TRDN: variants seen among roughly 807,000 people sequenced by gnomAD.
The protein encoded by TRDN is triadin in skeletal muscle.
A neutral mutation model predicts 149.7 loss-of-function variants in TRDN; 161 were observed. That is an observed-to-expected ratio of 1.08 (90% CI 0.95 to 1.23). The LOEUF (loss-of-function observed/expected upper bound fraction) is 1.23. Among genes scored for constraint, TRDN ranks in the 50% most tolerant of loss-of-function variants. TRDN has a pLI of 0.00. For synonymous variants in TRDN, 294 were observed against 250.5 expected, an observed-to-expected ratio of 1.17 and a Z score of -1.64; for missense variants, 896 against 823.5, an observed-to-expected ratio of 1.09 and a Z score of -1.08.
At chr6:123,605,434 A>T (rs969379977) in intron 1 of TRDN, among the ~76,000 whole-genome samples, 1 of 151,758 alleles carries the variant, frequency 6.6e-6, no homozygotes, top group Admixed American at 6.6e-5. Flanking sequence ...AACACATCAG[A>T]TGTGTAAGAT....
intron 21 of TRDN, chr6:123,349,907 C>T (rs554485361): frequency 5.0e-5 from 49 of 985,012 alleles, no homozygotes; most frequent in African/African-American, 4.7e-4. Flanking sequence ...GTTGTGACAA[C>T]GTAAAACACT....
intron 12 of TRDN, among the ~76,000 whole-genome samples, chr6:123,408,928 G>A (rs1773314835): frequency 6.6e-6 from 1 of 152,098 alleles, no homozygotes; most frequent in South Asian, 2.1e-4. Flanking sequence ...AATAACACTG[G>A]AGAGCACTGC....
intron 24 of TRDN, among the ~76,000 whole-genome samples, chr6:123,310,485 T>C (rs1778779283): frequency 2.6e-5 from 4 of 152,052 alleles, no homozygotes; most frequent in Admixed American, 6.6e-5. Flanking sequence ...ATTTTGATAA[T>C]GTAGCTTTTA....
intron 12 of TRDN, among the ~76,000 whole-genome samples, chr6:123,404,952 C>G (rs1053067771): frequency 6.6e-6 from 1 of 152,196 alleles, no homozygotes; most frequent in African/African-American, 2.4e-5. Flanking sequence ...CAATGTTAGG[C>G]ATGCAGATCT....
chr6:123,437,648 T>C (rs1193281662), intron 12 of TRDN, among the ~76,000 whole-genome samples: 1 of 152,098 alleles, frequency 6.6e-6, no homozygotes, highest in Non-Finnish European at 1.5e-5. Context: ...GCCCCATCTC[T>C]AAGTTTCTGT....
intron 4 of TRDN, among the ~76,000 whole-genome samples, chr6:123,539,961 T>C (rs901066368): frequency 6.6e-6 from 1 of 152,224 alleles, no homozygotes; most frequent in Non-Finnish European, 1.5e-5. Flanking sequence ...CTACAGATTG[T>C]TATTTAGCAA....
chr6:123,613,456 G>T (rs1164882723), intron 1 of TRDN, among the ~76,000 whole-genome samples: 2 of 152,088 alleles, frequency 1.3e-5, no homozygotes, highest in African/African-American at 4.8e-5. Flanking sequence ...TCCATTAAAG[G>T]TAACACTATT....
At chr6:123,505,597 T>G (rs1434096814) in intron 7 of TRDN, among the ~76,000 whole-genome samples, 1 of 152,218 alleles carries the variant, frequency 6.6e-6, no homozygotes, top group East Asian at 1.9e-4. Context: ...TTCTCAAAGC[T>G]GAAGTGTATT....
Position 123,335,116 on chromosome 6 carries a change from T to C in TRDN, c.1420+2503A>G, listed in dbSNP as rs188576791. ...GGCTTTTGAAGTCCCTAAAATCTTATAGGTAATATTAAAATTTTGTCTTTG... is the reference window on the plus strand; with the variant it reads ...GGCTTTTGAAGTCCCTAAAATCTTACAGGTAATATTAAAATTTTGTCTTTG... On this transcript the variant is annotated intron_variant, in intron 22 of 40. Coordinates refer to ENST00000334268, the MANE Select transcript of TRDN (RefSeq NM_006073.4). Among the ~76,000 whole-genome samples, 497 of 152,044 alleles carry C rather than the reference T, an allele frequency of 3.3e-3. 2 individuals are homozygous for C. Among genetic ancestry groups the C allele is most frequent in the Non-Finnish European group, 4.0e-3 (269 of 67,944 alleles).
chr6:123,614,772 G>C (rs964172712), intron 1 of TRDN, among the ~76,000 whole-genome samples: 1 of 151,526 alleles, frequency 6.6e-6, no homozygotes, highest in African/African-American at 2.4e-5. Flanking sequence ...CAAAAGCACA[G>C]GAAACAAAAG....
chr6:123,369,297 A>G (rs1297411169), intron 19 of TRDN, among the ~76,000 whole-genome samples: 3 of 152,176 alleles, frequency 2.0e-5, no homozygotes, highest in Non-Finnish European at 2.9e-5. Flanking sequence ...GCATGACCTC[A>G]TCTTAACTTG....
At chr6:123,629,698 A>G (rs994587978) in intron 1 of TRDN, among the ~76,000 whole-genome samples, 1 of 152,108 alleles carries the variant, frequency 6.6e-6, no homozygotes, top group Non-Finnish European at 1.5e-5. Context: ...GTTTATGAGG[A>G]AACAGCTCAT....
At chr6:123,337,027 CAGTT>C (rs1779897998) in intron 22 of TRDN, among the ~76,000 whole-genome samples, 1 of 151,918 alleles carries the variant, frequency 6.6e-6, no homozygotes, top group Non-Finnish European at 1.5e-5. Flanking sequence ...AGAGGAAAGG[CAGTT>C]AGTCCATTCA....
intron 9 of TRDN, among the ~76,000 whole-genome samples, chr6:123,479,870 A>G (rs1777664958): frequency 6.6e-6 from 1 of 152,190 alleles, no homozygotes; most frequent in African/African-American, 2.4e-5. Context: ...GTAATATTCC[A>G]TAGTACAGTA....
chr6:123,320,354 C>T (rs967457997), intron 23 of TRDN, among the ~76,000 whole-genome samples: 3 of 151,812 alleles, frequency 2.0e-5, no homozygotes, highest in African/African-American at 7.3e-5. Context: ...ACCCTAGTAG[C>T]ATATAAACTT....
intron 2 of TRDN, among the ~76,000 whole-genome samples, chr6:123,562,005 C>T (rs866517967): frequency 6.6e-6 from 1 of 152,138 alleles, no homozygotes; most frequent in African/African-American, 2.4e-5. Flanking sequence ...ATCCAGATAG[C>T]CAGTTCCTGC....
chr6:123,444,568 G>A (rs1343630177), intron 10 of TRDN, among the ~76,000 whole-genome samples: 22 of 149,974 alleles, frequency 1.5e-4, no homozygotes, highest in Non-Finnish European at 3.1e-4. Flanking sequence ...TTGAATAGGA[G>A]TGGTGAGAGA....
intron 32 of TRDN, among the ~76,000 whole-genome samples, chr6:123,266,363 G>A (rs1217747324): frequency 1.4e-4 from 15 of 108,402 alleles, no homozygotes; most frequent in East Asian, 1.1e-3. Context: ...TATATATTAT[G>A]ATATGTATTA....
At chr6:123,341,107 GAGAC>G (rs1476068614) in intron 21 of TRDN, among the ~76,000 whole-genome samples, 4 of 151,698 alleles carry the variant, frequency 2.6e-5, no homozygotes, top group African/African-American at 9.7e-5. Flanking sequence ...AGTAAATACA[GAGAC>G]AGAATTTTCA....
Sources: gnomAD v4.1 joint callset for allele counts (sites outside exome capture counted in the v4.1 genomes callset) on GRCh38, gnomAD v4.1.1 for gene constraint, MANE v1.5 for transcripts, NCBI Gene and HGNC (gene_info 2026-07-23, HGNC 2026-07-21) for gene names.